Variants in ADGRB3 observed in about 807,000 individuals in gnomAD.
ADGRB3 encodes the protein adhesion G protein-coupled receptor B3, also known as brain-specific angiogenesis inhibitor 3.
In ADGRB3, 37 loss-of-function variants were observed where a neutral mutation model predicts 193.4. That is an observed-to-expected ratio of 0.19 (90% CI 0.15 to 0.25). The LOEUF is 0.25. Ranked by LOEUF, ADGRB3 falls within the 10% of genes least tolerant of loss-of-function variation. The pLI, the probability that ADGRB3 is intolerant of heterozygous loss-of-function variation, is 1.00. For synonymous variants in ADGRB3, 690 were observed against 644.2 expected (o/e 1.07, Z -1.08); for missense variants, 1,637 against 1,852.9 (o/e 0.88, Z 2.14).
intron 4 of ADGRB3, among the ~76,000 whole-genome samples, chr6:68,935,810 GA>G (rs1212341503): frequency 2.0e-5 from 3 of 152,018 alleles, no homozygotes; most frequent in African/African-American, 7.2e-5. Flanking sequence ...TAGCTTTTTA[GA>G]ACTCCATTTT....
intron 3 of ADGRB3, among the ~76,000 whole-genome samples, chr6:68,921,955 A>G (rs1767055182): frequency 1.3e-5 from 2 of 152,162 alleles, no homozygotes; most frequent in African/African-American, 4.8e-5. Context: ...ATTTTGTGGA[A>G]TAATAAAATG....
At chr6:68,702,579 C>T (rs1019354631) in intron 3 of ADGRB3, among the ~76,000 whole-genome samples, 6 of 152,178 alleles carry the variant, frequency 3.9e-5, no homozygotes, top group African/African-American at 7.2e-5. Flanking sequence ...GGATCAGTTT[C>T]GCTGCTCTAC....
intron 20 of ADGRB3, among the ~76,000 whole-genome samples, chr6:69,281,554 G>T (rs1242190449): frequency 6.6e-6 from 1 of 152,116 alleles, no homozygotes; most frequent in Admixed American, 6.6e-5. Flanking sequence ...TGGTGGATCA[G>T]GAGGGTCTAA....
At chr6:68,692,169 A>G (rs7772661) in intron 3 of ADGRB3, among the ~76,000 whole-genome samples, 5,384 of 151,984 alleles carry the variant, frequency 0.035, 301 homozygotes, top group African/African-American at 0.12. Context: ...TGTATTCCCT[A>G]GAAAATTTAG....
intron 3 of ADGRB3, among the ~76,000 whole-genome samples, chr6:68,791,551 G>T (rs886559395): frequency 2.6e-5 from 4 of 152,120 alleles, no homozygotes; most frequent in African/African-American, 9.7e-5. Flanking sequence ...CAGAGACACT[G>T]CAGATTGTCT....
chr6:69,291,536 C>A (rs577640063), intron 20 of ADGRB3, among the ~76,000 whole-genome samples: 1 of 152,120 alleles, frequency 6.6e-6, no homozygotes, highest in Admixed American at 6.6e-5. Flanking sequence ...CAAATTCTAA[C>A]GCCCTTAGTA....
intron 10 of ADGRB3, among the ~76,000 whole-genome samples, chr6:68,980,234 A>G (rs2150268211): frequency 6.6e-6 from 1 of 151,662 alleles, no homozygotes; most frequent in East Asian, 1.9e-4. Flanking sequence ...TTATTTAGTC[A>G]TCTTTACCTA....
chr6:69,165,961 T>G (rs1213489137), intron 17 of ADGRB3, among the ~76,000 whole-genome samples: 1 of 152,108 alleles, frequency 6.6e-6, no homozygotes, highest in African/African-American at 2.4e-5. Context: ...GGAATTGAAA[T>G]GCAGTATTAT....
chr6:69,118,203 T>C (rs376511143), intron 17 of ADGRB3, among the ~76,000 whole-genome samples: 3 of 152,242 alleles, frequency 2.0e-5, no homozygotes, highest in African/African-American at 7.2e-5. Context: ...CTTCCAAATA[T>C]AGTATAATTC....
chr6:68,841,840 T>A (rs1199954378), intron 3 of ADGRB3, among the ~76,000 whole-genome samples: 1 of 151,856 alleles, frequency 6.6e-6, no homozygotes, highest in Non-Finnish European at 1.5e-5. Flanking sequence ...AGATAGAAAA[T>A]AGAAAGATGG....
intron 16 of ADGRB3, 38 bp downstream of exon 16, chr6:69,063,074 A>C (rs376194103): frequency 1.4e-6 from 2 of 1,454,360 alleles, no homozygotes; most frequent in South Asian, 2.3e-5. Context: ...TGCTTATGGA[A>C]TTACCTTTCT....
intron 13 of ADGRB3, among the ~76,000 whole-genome samples, chr6:69,040,908 T>G (rs1176123859): frequency 6.6e-6 from 1 of 152,192 alleles, no homozygotes; most frequent in East Asian, 1.9e-4. Flanking sequence ...TGTGTACTTT[T>G]GAGTATCAAA....
chr6:69,186,500 A>G (rs1765072315), intron 17 of ADGRB3, among the ~76,000 whole-genome samples: 1 of 152,046 alleles, frequency 6.6e-6, no homozygotes. Flanking sequence ...GTAATGCAGA[A>G]GCAGCAAATC....
chr6:69,216,319 A>C (rs1039141437), intron 17 of ADGRB3, among the ~76,000 whole-genome samples: 2 of 152,146 alleles, frequency 1.3e-5, no homozygotes, highest in African/African-American at 4.8e-5. Flanking sequence ...TTAGTGAGAA[A>C]ATTTACCTAA....
chr6:68,929,536 T>A (rs551863580), intron 3 of ADGRB3, among the ~76,000 whole-genome samples: 1 of 152,302 alleles, frequency 6.6e-6, no homozygotes, highest in South Asian at 2.1e-4. Flanking sequence ...ATCTTTGTCA[T>A]GTTTAAGAGA....
chr6:69,293,168 TCAAATA>T (rs1767728206), intron 20 of ADGRB3, among the ~76,000 whole-genome samples: 1 of 152,176 alleles, frequency 6.6e-6, no homozygotes, highest in Non-Finnish European at 1.5e-5. Context: ...AAGTTATAAA[TCAAATA>T]CAAATTGTTA....
intron 11 of ADGRB3, among the ~76,000 whole-genome samples, chr6:69,013,107 G>T (rs73745914): frequency 6.6e-6 from 1 of 152,018 alleles, no homozygotes; most frequent in African/African-American, 2.4e-5. Context: ...TCAAAGGCAC[G>T]CTGGTTGTTC....
At chr6:68,760,084 G>T (rs1214523815) in intron 3 of ADGRB3, among the ~76,000 whole-genome samples, 1 of 152,086 alleles carries the variant, frequency 6.6e-6, no homozygotes, top group Non-Finnish European at 1.5e-5. Flanking sequence ...TATCTTAAAA[G>T]CATAAGCAGA....
chr6:69,346,457 A>C (rs1283473), intron 26 of ADGRB3, among the ~76,000 whole-genome samples: 8 of 152,012 alleles, frequency 5.3e-5, no homozygotes, highest in Non-Finnish European at 1.0e-4. Flanking sequence ...AATCTATCCA[A>C]CTGACAGAGG....
Sources: gnomAD v4.1 joint callset for allele counts (sites outside exome capture counted in the v4.1 genomes callset) on GRCh38, gnomAD v4.1.1 for gene constraint, MANE v1.5 for transcripts, NCBI Gene and HGNC (gene_info 2026-07-23, HGNC 2026-07-21) for gene names.